HS3ST5: variants seen among roughly 807,000 people sequenced by gnomAD.
HS3ST5 encodes the protein heparan sulfate-glucosamine 3-sulfotransferase 5.
In HS3ST5, 10 loss-of-function variants were observed where a neutral mutation model predicts 25.4. The observed-to-expected ratio is 0.39, with a 90% CI of 0.24 to 0.67. The LOEUF (loss-of-function observed/expected upper bound fraction) is 0.67, where lower values mean the gene tolerates loss of function less well. Ranked by LOEUF, HS3ST5 falls within the 30% of genes least tolerant of loss-of-function variation. HS3ST5 has a pLI of 0.44. For synonymous variants in HS3ST5, 170 were observed against 162.4 expected, an observed-to-expected ratio of 1.05 and a Z score of -0.36; for missense variants, 324 against 420.7, an observed-to-expected ratio of 0.77 and a Z score of 2.01.
chr6:114,307,157 A>G (rs370271085), intron 1 of HS3ST5, among the ~76,000 whole-genome samples: 64 of 152,298 alleles, frequency 4.2e-4, no homozygotes, highest in African/African-American at 1.5e-3. Context: ...GCAGTTTCCA[A>G]ACTTTGTAGG....
intron 1 of HS3ST5, among the ~76,000 whole-genome samples, chr6:114,294,635 C>T (rs1369467920): frequency 2.0e-5 from 3 of 151,922 alleles, no homozygotes; most frequent in Admixed American, 1.3e-4. Flanking sequence ...TTAGTAGAGA[C>T]GGGGTTTCAC....
rs2492888 is a variant in HS3ST5, at chr6:114,229,461, T to C, written c.-338-683A>G. Among the ~76,000 whole-genome samples, 535 of 152,288 alleles carry C rather than the reference T, an allele frequency of 3.5e-3. 6 individuals are homozygous for C. Among genetic ancestry groups the C allele is most frequent in the African/African-American group, 0.012 (508 of 41,560 alleles). On this transcript the variant is annotated intron_variant, in intron 1 of 4. Transcript: ENST00000312719. The stretch of plus-strand genomic sequence containing the variant: ...GATAAATACATGGTCAAAACTAAGA[T>C]GACAAGAGCATACACACATGCAAAC...
chr6:114,073,769 C>A (rs1773967676), intron 3 of HS3ST5, among the ~76,000 whole-genome samples: 2 of 152,134 alleles, frequency 1.3e-5, no homozygotes, highest in Admixed American at 6.5e-5. Context: ...CCAGAAATAC[C>A]ACTTGACCCA....
chr6:114,073,765 A>G (rs1773967455), intron 3 of HS3ST5, among the ~76,000 whole-genome samples: 1 of 152,216 alleles, frequency 6.6e-6, no homozygotes, highest in Admixed American at 6.5e-5. Context: ...AGAACCAGAA[A>G]TACCACTTGA....
At chr6:114,139,646 C>G (rs910681237) in intron 3 of HS3ST5, among the ~76,000 whole-genome samples, 6 of 152,154 alleles carry the variant, frequency 3.9e-5, no homozygotes, top group African/African-American at 1.4e-4. Flanking sequence ...ATTCCCAACT[C>G]TGTGCTAGGT....
At chr6:114,088,403 T>G (rs1365195529) in intron 3 of HS3ST5, among the ~76,000 whole-genome samples, 2 of 151,898 alleles carry the variant, frequency 1.3e-5, no homozygotes, top group Non-Finnish European at 2.9e-5. Context: ...CTCTTTTTTT[T>G]TTTTTTTAAT....
chr6:114,156,889 C>T (rs1185321443), intron 3 of HS3ST5, among the ~76,000 whole-genome samples: 1 of 152,150 alleles, frequency 6.6e-6, no homozygotes, highest in African/African-American at 2.4e-5. Context: ...GGCCTTTCTC[C>T]TCTCACTCCA....
chr6:114,241,323 TAAG>T (rs1445259870), intron 1 of HS3ST5, among the ~76,000 whole-genome samples: 3 of 152,202 alleles, frequency 2.0e-5, no homozygotes, highest in African/African-American at 7.2e-5. Flanking sequence ...TTAATCAGGT[TAAG>T]AACAGATTAA....
chr6:114,248,788 A>G (rs1772506749), intron 1 of HS3ST5, among the ~76,000 whole-genome samples: 1 of 152,372 alleles, frequency 6.6e-6, no homozygotes, highest in Admixed American at 6.5e-5. Context: ...AAAAGTTACA[A>G]TAATTGAAAT....
intron 4 of HS3ST5, among the ~76,000 whole-genome samples, chr6:114,060,930 G>T (rs2114702378): frequency 6.6e-6 from 1 of 152,022 alleles, no homozygotes; most frequent in East Asian, 1.9e-4. Flanking sequence ...AATCATACAG[G>T]TTTAGGATTG....
chr6:114,094,256 G>C (rs988670819), intron 3 of HS3ST5, among the ~76,000 whole-genome samples: 1 of 152,140 alleles, frequency 6.6e-6, no homozygotes, highest in Non-Finnish European at 1.5e-5. Context: ...TCAAGAAGAG[G>C]TGCACAAGGA....
chr6:114,112,480 C>T (rs530602782), intron 3 of HS3ST5: 9 of 152,356 alleles, frequency 5.9e-5, no homozygotes, highest in African/African-American at 2.2e-4. Context: ...GGACTTCTGA[C>T]CTGTAGCAAG....
chr6:114,060,589 G>A (rs1473698516), intron 4 of HS3ST5, among the ~76,000 whole-genome samples: 1 of 152,152 alleles, frequency 6.6e-6, no homozygotes, highest in African/African-American at 2.4e-5. Flanking sequence ...CTAGAATGAT[G>A]CTAGTACCAT....
chr6:114,076,016 G>GC (rs1291993577), intron 3 of HS3ST5, among the ~76,000 whole-genome samples: 1 of 152,088 alleles, frequency 6.6e-6, no homozygotes, highest in Non-Finnish European at 1.5e-5. Context: ...ACACACACAT[G>GC]CCCCCAGAAG....
intron 3 of HS3ST5, among the ~76,000 whole-genome samples, chr6:114,145,172 C>T (rs536113267): frequency 1.1e-4 from 17 of 152,196 alleles, no homozygotes; most frequent in Non-Finnish European, 2.1e-4. Context: ...CTACAAGCCC[C>T]GGAGGCAGGG....
At chr6:114,121,680 T>G (rs748929883) in intron 3 of HS3ST5, among the ~76,000 whole-genome samples, 6 of 152,178 alleles carry the variant, frequency 3.9e-5, no homozygotes, top group Non-Finnish European at 5.9e-5. Context: ...TGTATAGTAT[T>G]AGTGCATGGC....
chr6:114,341,222 G>GGATAGAGA (rs1776840803), intron 1 of HS3ST5, among the ~76,000 whole-genome samples: 1 of 46,600 alleles, frequency 2.1e-5, no homozygotes, highest in Non-Finnish European at 3.6e-5. Flanking sequence ...GGAGAGAGGG[G>GGATAGAGA]GAGAGAGAGA....
chr6:114,132,506 G>T (rs760145368), intron 3 of HS3ST5, among the ~76,000 whole-genome samples: 2 of 152,172 alleles, frequency 1.3e-5, no homozygotes, highest in Non-Finnish European at 2.9e-5. Context: ...AGCAGGGCAG[G>T]CATTTTCCAG....
At chr6:114,169,117 T>A (rs9320481) in intron 2 of HS3ST5, among the ~76,000 whole-genome samples, 76,695 of 151,934 alleles carry the variant, frequency 0.5, 19,521 homozygotes, top group Middle Eastern at 0.54. Context: ...ATTTAATTAC[T>A]CTTTCAGGCT....
Sources: gnomAD v4.1 joint callset for allele counts (sites outside exome capture counted in the v4.1 genomes callset) on GRCh38, gnomAD v4.1.1 for gene constraint, MANE v1.5 for transcripts, NCBI Gene and HGNC (gene_info 2026-07-23, HGNC 2026-07-21) for gene names.